Variants in ATM observed in about 807,000 individuals in gnomAD.
The protein encoded by ATM is ATM serine/threonine kinase, also known as serine-protein kinase ATM.
Under a neutral mutation model 387.0 loss-of-function variants are expected in ATM, and 308 were observed. The observed-to-expected ratio is 0.80, with a 90% confidence interval of 0.73 to 0.87. The LOEUF (loss-of-function observed/expected upper bound fraction) is 0.87, where lower values mean the gene tolerates loss of function less well. Among genes scored for constraint, ATM ranks in the 40% least tolerant of loss-of-function variants. The pLI, the probability that ATM is intolerant of heterozygous loss-of-function variation, is 0.00. For synonymous variants in ATM, 1,156 were observed against 1,187.3 expected, an observed-to-expected ratio of 0.97 and a Z score of 0.54; for missense variants, 3,312 against 3,560.9, an observed-to-expected ratio of 0.93 and a Z score of 1.78.
rs1591150471 is a variant in ATM, at chr11:108,329,034, C to G, written c.7103C>G (p.Ala2368Gly). 6.2e-7 allele frequency: 1 copy of G among 1,613,894 alleles called. No individual in the cohort carries two copies. The highest frequency in any genetic ancestry group is 8.5e-7 in the Non-Finnish European group (1 of 1,179,932). The part of the protein sequence containing the change: ...QTYLEKAVEV[A>G]GNYDGESSDE... ...GTTTTCTTGAAGGCAGTAGAAGTTG[C>G]TGGAAATTATGATGGAGAAAGTAGT... The change falls in exon 49 of 63, where the codon GCT becomes GGT. Residue 2368 changes from alanine to glycine, a missense_variant. By Grantham distance (60) the Ala-to-Gly change is moderately conservative. Transcript: ENST00000675843.
chr11:108,317,674 C>CACACACACACAA (rs1348508969), intron 43 of ATM, among the ~76,000 whole-genome samples, 153 bp downstream of exon 43: 1 of 129,300 alleles, frequency 7.7e-6, no homozygotes, highest in African/African-American at 3.0e-5. Context: ...CACACACACA[C>CACACACACACAA]TATATATATA....
chr11:108,327,603 T>A, intron 47 of ATM, 42 bp from the exon 48 acceptor site: 3 of 1,476,774 alleles, frequency 2.0e-6, no homozygotes, highest in Non-Finnish European at 2.8e-6. Context: ...GGTACAGTCA[T>A]GGTAATGCAT....
intron 5 of ATM, chr11:108,236,084 A>C: frequency 2.0e-6 from 1 of 490,390 alleles, no homozygotes; most frequent in Non-Finnish European, 3.7e-6. Flanking sequence ...TACCATCTCC[A>C]TCGTCAAGGA....
intron 16 of ATM, among the ~76,000 whole-genome samples, chr11:108,259,988 G>T (rs2080760999): frequency 6.7e-6 from 1 of 149,842 alleles, no homozygotes; most frequent in African/African-American, 2.5e-5. Flanking sequence ...CTATTGTGTG[G>T]TGATAGTGAA....
chr11:108,255,877 G>A (rs2080443559), intron 13 of ATM, among the ~76,000 whole-genome samples: 1 of 152,064 alleles, frequency 6.6e-6, no homozygotes. Context: ...TGTGTTCTAA[G>A]ACTTACAGTC....
chr11:108,341,659 G>A lies in ATM; in HGVS notation c.8269-1563G>A, dbSNP rs564799351. Among the ~76,000 whole-genome samples, 98 of 152,122 alleles carry A rather than the reference G, an allele frequency of 6.4e-4. 2 individuals are homozygous for A. In the Middle Eastern group the frequency reaches 0.027, roughly 42 times the overall value. The stretch of plus-strand genomic sequence containing the variant: ...AGGACGAGTGACCAGCTGAGAAAAC[G>A]AATATAATAATGTTAATTAGAACAA... On this transcript the variant is annotated intron_variant, in intron 56 of 62. Coordinates refer to ENST00000675843, the MANE Select transcript of ATM (RefSeq NM_000051.4).
Position 108,257,612 on chromosome 11 carries a change from A to G in ATM, c.2376+6A>G. The G allele has an allele frequency of 6.2e-7, 1 of 1,612,840 alleles. No homozygotes were observed. Among genetic ancestry groups the G allele is most frequent in the Non-Finnish European group, 8.5e-7 (1 of 1,179,828 alleles). On this transcript the variant is annotated splice_donor_region_variant and intron_variant, in intron 15 of 62. Coordinates refer to ENST00000675843, the MANE Select transcript of ATM (RefSeq NM_000051.4). ...GCTTGAGCAACTGTACCAAGGTAAG[A>G]TTTTCTTCTTCTTGTTTTGTTTTTT... is the stretch of plus-strand genomic sequence containing the variant.
At chr11:108,309,130 G>T in intron 38 of ATM, 2 of 954,374 alleles carry the variant, frequency 2.1e-6, no homozygotes, top group Non-Finnish European at 3.2e-6. Context: ...TCAAGTCCAA[G>T]CTTGTGCTGT....
intron 14 of ATM, among the ~76,000 whole-genome samples, chr11:108,256,615 C>T (rs1345520690): frequency 6.6e-6 from 1 of 152,006 alleles, no homozygotes; most frequent in Non-Finnish European, 1.5e-5. Flanking sequence ...TTTGCTGCAC[C>T]CATCAACTCG....
intron 54 of ATM, 138 bp from the exon 55 acceptor site, chr11:108,334,831 A>G (rs543353658): frequency 3.0e-6 from 3 of 1,006,734 alleles, no homozygotes; most frequent in Non-Finnish European, 4.4e-6. Flanking sequence ...CACCCGGCCT[A>G]AAGTTGTAGT....
intron 61 of ATM, among the ~76,000 whole-genome samples, chr11:108,360,273 G>GA (rs1555147852): frequency 6.7e-6 from 1 of 149,942 alleles, no homozygotes; most frequent in Non-Finnish European, 1.5e-5. Flanking sequence ...GAATAGACCA[G>GA]TAACAGGAGC....
At chr11:108,318,586 A>T (rs1158324579) in intron 43 of ATM, among the ~76,000 whole-genome samples, 1 of 151,596 alleles carries the variant, frequency 6.6e-6, no homozygotes, top group East Asian at 2.0e-4. Context: ...GCTACTCGGG[A>T]GGCTGAGGCA....
chr11:108,357,422 T>G lies in ATM; in HGVS notation c.8850+2548T>G, dbSNP rs535484904. ...TAGGTAAACAAAGCAGCCGGGAAGCTCGAACTGGGTGGAACCCACCACAGC... is the reference window on the plus strand; with the variant it reads ...TAGGTAAACAAAGCAGCCGGGAAGCGCGAACTGGGTGGAACCCACCACAGC... On this transcript the variant is annotated intron_variant, in intron 61 of 62. Transcript: ENST00000675843. 7.0e-4 allele frequency among the ~76,000 whole-genome samples: 107 copies of G among 152,286 alleles called. 1 individual carries two copies. The highest frequency in any genetic ancestry group is 2.4e-3 in the African/African-American group (101 of 41,560).
Position 108,331,192 on chromosome 11 carries a change from C to A in ATM, c.7516-252C>A, listed in dbSNP as rs1215204652. 7.6e-6 allele frequency: 9 copies of A among 1,185,426 alleles called. No individual in the cohort carries two copies. The African/African-American group carries it at 1.1e-4, about 15-fold the overall frequency. 73.4% of individuals were successfully genotyped at this position (1,185,426 alleles called of 1,614,324 possible). Reference sequence around the variant, plus strand: ...TAGATTTTTTGGAATATAAACAGTACCAAGTATTCTAGTTCTGAATCCAGT... The same window carrying A: ...TAGATTTTTTGGAATATAAACAGTAACAAGTATTCTAGTTCTGAATCCAGT... On this transcript the variant is annotated intron_variant, in intron 50 of 62. Transcript: ENST00000675843.
At chr11:108,299,990 T>TA in intron 34 of ATM, 105 bp downstream of exon 34, 1 of 1,107,042 alleles carries the variant, frequency 9.0e-7, no homozygotes, top group Admixed American at 2.0e-5. Context: ...TGTCCTTTTT[T>TA]AAATCTCAGT....
intron 10 of ATM, 38 bp downstream of exon 10, chr11:108,251,110 A>G (rs1432424725): frequency 6.2e-7 from 1 of 1,611,068 alleles, no homozygotes; most frequent in Admixed American, 1.7e-5. Flanking sequence ...TTACAGATAA[A>G]CACACACAGA....
chr11:108,321,187 T>C, intron 44 of ATM, 114 bp from the exon 45 acceptor site: 3 of 1,372,706 alleles, frequency 2.2e-6, no homozygotes, highest in Non-Finnish European at 3.0e-6. Context: ...TTGTTAGTAT[T>C]ATTAGATCAG....
At chr11:108,266,695 T>A (rs1417147718) in intron 16 of ATM, among the ~76,000 whole-genome samples, 1 of 152,190 alleles carries the variant, frequency 6.6e-6, no homozygotes, top group African/African-American at 2.4e-5. Flanking sequence ...ATATTACAGG[T>A]TATATATCCA....
Position 108,287,601 on chromosome 11 carries a change from T to C in ATM, c.3995T>C (p.Ile1332Thr). Residue 1332 changes from isoleucine (I) to threonine (T), a missense_variant and splice_region_variant, in exon 27 of 63, where the codon ATT (isoleucine) becomes ACT (threonine). Transcript: ENST00000675843. ...TATTTTAATTTTGTGCCCTTGCAGA[T>C]TGATCACTTATTCATTAGTAATTTA... Reference protein sequence around the residue: ...LKSENLLGKQIDHLFISNLPE... With the variant: ...LKSENLLGKQTDHLFISNLPE... 2 of 1,599,228 alleles carry C rather than the reference T, an allele frequency of 1.3e-6. No homozygotes were observed. The highest frequency in any genetic ancestry group is 1.1e-5 in the South Asian group (1 of 90,658).
Sources: allele counts gnomAD v4.1 joint callset (sites outside exome capture counted in the v4.1 genomes callset), GRCh38; gene constraint gnomAD v4.1.1; transcripts MANE v1.5; gene names NCBI Gene and HGNC (gene_info 2026-07-23, HGNC 2026-07-21).